Variants in FSIP2 observed in about 807,000 individuals in gnomAD.
FSIP2 encodes fibrous sheath interacting protein 2, also known as fibrous sheath-interacting protein 2.
In FSIP2, 367 loss-of-function variants were observed where a neutral mutation model predicts 510.5. The ratio of observed to expected loss-of-function variants is 0.72; its 90% CI spans 0.66 to 0.78. The LOEUF is 0.78. Ranked by LOEUF, FSIP2 falls within the 30% of genes least tolerant of loss-of-function variation. The pLI is 0.00. For synonymous variants in FSIP2, 2,601 were observed against 2,732.2 expected, an observed-to-expected ratio of 0.95 and a Z score of 1.50; for missense variants, 7,594 against 7,901.7, an observed-to-expected ratio of 0.96 and a Z score of 1.48.
chr2:185,826,838 T>C (rs1694018992), intron 20 of FSIP2, among the ~76,000 whole-genome samples: 1 of 151,762 alleles, frequency 6.6e-6, no homozygotes, highest in African/African-American at 2.4e-5. Flanking sequence ...CTTTAGACAT[T>C]CAAGTTGAGA....
In FSIP2 at chr2:185,782,762, T is replaced by TGTAA. The variant is rs1367039446; in HGVS notation, c.1469+4_1469+7dup. The TGTAA allele has an allele frequency of 1.3e-5, 19 of 1,427,264 alleles. No individual in the cohort carries two copies. Among genetic ancestry groups the TGTAA allele is most frequent in the African/African-American group, 2.8e-5 (2 of 70,916 alleles). The allele number at this position is 1,427,264 out of a possible 1,614,324, so 88.4% of individuals were successfully genotyped here. The stretch of plus-strand genomic sequence containing the variant: ...TTTTCTTCTCCTGTTTACACAAATA[T>TGTAA]GTAAGTACCTAAGGAATTATATATA... On this transcript the variant is annotated stop_gained and frameshift_variant and splice_region_variant. Coordinates refer to ENST00000424728, the MANE Select transcript of FSIP2 (RefSeq NM_173651.4). LOFTEE classifies it high-confidence loss of function.
rs1362008246 is a variant in FSIP2 at position 185,802,147 on chromosome 2, A to G, written c.12841A>G (p.Ile4281Val). ...PRTPLDPVST[I>V]VTQVLSEVIE... ...GACTCCACTGGATCCAGTGTCTACTATTGTTACACAGGTTCTGAGTGAAGT... is the reference window on the plus strand; with the variant it reads ...GACTCCACTGGATCCAGTGTCTACTGTTGTTACACAGGTTCTGAGTGAAGT... The change falls in exon 17 of 23, where the codon ATT becomes GTT. Residue 4281 changes from isoleucine (I) to valine (V), a missense_variant. Transcript: ENST00000424728. The G allele has an allele frequency of 2.0e-6, 3 of 1,533,202 alleles. No individual in the cohort carries two copies. Among genetic ancestry groups the G allele is most frequent in the East Asian group, 2.4e-5 (1 of 40,830 alleles). The allele number at this position is 1,533,202 out of a possible 1,614,324, so 95.0% of individuals were successfully genotyped here.
chr2:185,803,879 A>C lies in FSIP2; in HGVS notation c.14573A>C (p.Lys4858Thr). ...AAAAAACAGAGTATGATTTCAGCAA[A>C]AGATATCCAGTCTATGGTTGATTCC... is the stretch of plus-strand genomic sequence containing the variant. Reference protein sequence around the residue: ...GNKKQSMISAKDIQSMVDSIY... With the variant: ...GNKKQSMISATDIQSMVDSIY... The change falls in exon 17 of 23, where the codon AAA (lysine) becomes ACA (threonine). Residue 4858 changes from lysine to threonine, a missense_variant. Lys to Thr is a moderately conservative substitution (Grantham distance 78). Coordinates refer to ENST00000424728, the MANE Select transcript of FSIP2 (RefSeq NM_173651.4). The C allele has an allele frequency of 6.6e-7, 1 of 1,524,792 alleles. No individual in the cohort carries two copies. Among genetic ancestry groups the C allele is most frequent in the Non-Finnish European group, 8.8e-7 (1 of 1,139,404 alleles). The allele number at this position is 1,524,792 out of a possible 1,614,324, so 94.5% of individuals were successfully genotyped here.
Position 185,803,551 on chromosome 2 carries a change from G to C in FSIP2, c.14245G>C (p.Ala4749Pro). The change falls in exon 17 of 23, where the codon GCA becomes CCA. Residue 4749 changes from alanine to proline, a missense_variant. Physicochemically the swap from Ala to Pro is conservative, Grantham distance 27 (BLOSUM62 -1). Coordinates refer to ENST00000424728, the MANE Select transcript of FSIP2 (RefSeq NM_173651.4). ...TTTCCAAATTCATCCAGATCTTATAGCAAATCTGCCTTTTAAATCACATTC... is the reference window on the plus strand; with the variant it reads ...TTTCCAAATTCATCCAGATCTTATACCAAATCTGCCTTTTAAATCACATTC... ...FDFQIHPDLI[A>P]NLPFKSHSKL... 1 of 1,532,990 alleles carries C rather than the reference G, an allele frequency of 6.5e-7. No individual in the cohort carries two copies. The highest frequency in any genetic ancestry group is 8.7e-7 in the Non-Finnish European group (1 of 1,144,862). The allele number at this position is 1,532,990 out of a possible 1,614,324, so 95.0% of individuals were successfully genotyped here. A position where few individuals can be genotyped will look rare whatever the true frequency, so the allele number is the denominator to read the frequency against.
chr2:185,744,549 T>A, intron 4 of FSIP2, 138 bp downstream of exon 4: 1 of 249,106 alleles, frequency 4.0e-6, no homozygotes, highest in South Asian at 1.6e-4. Context: ...AAGTGAAAAT[T>A]TACAGTAGGA....
At chr2:185,824,359 TG>T in intron 19 of FSIP2, 74 bp from the exon 20 acceptor site, 1 of 933,402 alleles carries the variant, frequency 1.1e-6, no homozygotes. Flanking sequence ...GGAGAATAAC[TG>T]TTCTTTTGCT....
In FSIP2 at chr2:185,791,440, G is replaced by GAATT. The variant is rs1183573895; in HGVS notation, c.4305_4308dup (p.Gly1437AsnfsTer7). 13 of 1,534,108 alleles carry GAATT rather than the reference G, an allele frequency of 8.5e-6. No homozygotes were observed. Among genetic ancestry groups the GAATT allele is most frequent in the Admixed American group, 2.0e-5 (1 of 50,832 alleles). On this transcript the variant is annotated frameshift_variant, in exon 16 of 23. Coordinates refer to ENST00000424728, the MANE Select transcript of FSIP2 (RefSeq NM_173651.4). LOFTEE classifies it high-confidence loss of function. ...AATGCAAAATTGCAAGTGTTAGAAA[G>GAATT]AATTGGGGAAACACTACATGAAATG...
At chr2:185,767,781 A>G (rs1692522524) in intron 13 of FSIP2, among the ~76,000 whole-genome samples, 1 of 152,082 alleles carries the variant, frequency 6.6e-6, no homozygotes, top group Admixed American at 6.6e-5. Context: ...ATTTGTTTCT[A>G]TATATTAGCT....
intron 1 of FSIP2, 91 bp downstream of exon 1, chr2:185,739,084 G>T (rs1691863556): frequency 2.1e-6 from 3 of 1,399,818 alleles, no homozygotes; most frequent in East Asian, 5.0e-5. Flanking sequence ...GGGTCGCGAG[G>T]CTCCCAACTG....
rs1693415339 is a variant in FSIP2, at chr2:185,800,822, T to A, written c.11516T>A (p.Met3839Lys). 6.5e-7 allele frequency: 1 copy of A among 1,534,394 alleles called. No homozygotes were observed. The highest frequency in any genetic ancestry group is 2.0e-5 in the Admixed American group (1 of 50,856). The change falls in exon 17 of 23, where the codon ATG becomes AAG. Residue 3839 changes from methionine to lysine, a missense_variant. Met to Lys is a moderately conservative substitution (Grantham distance 95). Transcript: ENST00000424728. ...IDQDLLTSDS[M>K]LTIISHSLVK... Reference sequence around the variant, plus strand: ...CAAGACTTATTGACATCAGACTCTATGCTTACTATTATTTCCCACAGCTTG... The same window carrying A: ...CAAGACTTATTGACATCAGACTCTAAGCTTACTATTATTTCCCACAGCTTG...
At position 185,808,172 on chromosome 2, in the gene FSIP2, T is replaced by C. The variant is rs1280958741; in HGVS notation, c.18866T>C (p.Met6289Thr). 1 of 1,611,424 alleles carries C rather than the reference T, an allele frequency of 6.2e-7. No homozygotes were observed. The highest frequency in any genetic ancestry group is 1.7e-5 in the Admixed American group (1 of 59,610). ...NVLSDTIGFL[M>T]VNAISNSEFQ... ...CTCTCTGATACAATAGGCTTTTTAA[T>C]GGTGAATGCAATTTCGAATTCTGAA... is the stretch of plus-strand genomic sequence containing the variant. The change falls in exon 17 of 23, where the codon ATG becomes ACG. Residue 6289 changes from methionine (M) to threonine (T), a missense_variant. Transcript: ENST00000424728.
intron 8 of FSIP2, among the ~76,000 whole-genome samples, chr2:185,754,576 CGCTT>C (rs1692206950): frequency 1.3e-5 from 2 of 151,444 alleles, no homozygotes; most frequent in Non-Finnish European, 3.0e-5. Context: ...TTTGTACTGT[CGCTT>C]GCTACATTTA....
chr2:185,756,431 T>G (rs1692248086), intron 9 of FSIP2, among the ~76,000 whole-genome samples, 153 bp downstream of exon 9: 1 of 151,548 alleles, frequency 6.6e-6, no homozygotes, highest in Admixed American at 6.6e-5. Context: ...AAGAGCTATG[T>G]GGCCTTTATT....
chr2:185,830,248 C>T (rs1694083355), intron 21 of FSIP2, among the ~76,000 whole-genome samples: 1 of 151,750 alleles, frequency 6.6e-6, no homozygotes, highest in South Asian at 2.1e-4. Context: ...ATACAAAGAA[C>T]AAAGACAATA....
intron 7 of FSIP2, among the ~76,000 whole-genome samples, chr2:185,749,805 A>G (rs1298307602): frequency 6.6e-6 from 1 of 151,638 alleles, no homozygotes; most frequent in Non-Finnish European, 1.5e-5. Flanking sequence ...TTTTTTTTAC[A>G]GGTGTCATTC....
At chr2:185,760,911 A>G in intron 9 of FSIP2, 77 bp from the exon 10 acceptor site, 1 of 499,744 alleles carries the variant, frequency 2.0e-6, no homozygotes, top group Non-Finnish European at 3.4e-6. Context: ...GATACAATTT[A>G]TTGTACTTTG....
In FSIP2 at chr2:185,789,861, A is replaced by G. The variant is rs1693077411; in HGVS notation, c.2725A>G (p.Ile909Val). Residue 909 changes from isoleucine to valine, a missense_variant, in exon 16 of 23, where the codon ATC (isoleucine) becomes GTC (valine). Ile to Val is a conservative substitution (Grantham distance 29). Transcript: ENST00000424728. ...SSLVAYIEEA[I>V]NAILGYIQTE... ...TTTGGTTGCTTATATAGAGGAAGCA[A>G]TCAATGCTATACTAGGTTATATACA... 1.3e-6 allele frequency: 2 copies of G among 1,532,222 alleles called. No homozygotes were observed. Among genetic ancestry groups the G allele is most frequent in the African/African-American group, 2.7e-5 (2 of 72,840 alleles). The allele number at this position is 1,532,222 out of a possible 1,614,324, so 94.9% of individuals were successfully genotyped here.
Position 185,803,160 on chromosome 2 carries a change from C to G in FSIP2, c.13854C>G (p.Tyr4618Ter). The G allele has an allele frequency of 3.9e-6, 6 of 1,532,084 alleles. No homozygotes were observed. The highest frequency in any genetic ancestry group is 5.2e-6 in the Non-Finnish European group (6 of 1,144,614). 94.9% of individuals were successfully genotyped at this position (1,532,084 alleles called of 1,614,324 possible). A position where few individuals can be genotyped will look rare whatever the true frequency, so the allele number is the denominator to read the frequency against. The change falls in exon 17 of 23, where the codon TAC (tyrosine) becomes TAG (stop). Residue 4618 changes from tyrosine to a stop codon, truncating the protein, a stop_gained. Transcript: ENST00000424728. LOFTEE classifies it high-confidence loss of function. ...GGCAGTTATTTTATACCAGTGTTTA[C>G]TCTTCAACATTCTTGGAAGATGTAA... is the stretch of plus-strand genomic sequence containing the variant. ...ERRQLFYTSV[Y>*]SSTFLEDVIS...
At chr2:185,775,327 T>G (rs6733021) in intron 13 of FSIP2, among the ~76,000 whole-genome samples, 145,119 of 149,492 alleles carry the variant, frequency 0.97, 70,516 homozygotes, top group Middle Eastern at 1. Context: ...TTTCTCTGAT[T>G]GCCAGTGATG....
Sources: gnomAD v4.1 joint callset for allele counts (sites outside exome capture counted in the v4.1 genomes callset) on GRCh38, gnomAD v4.1.1 for gene constraint, MANE v1.5 for transcripts, NCBI Gene and HGNC (gene_info 2026-07-23, HGNC 2026-07-21) for gene names.